INPP5D: variants seen among roughly 807,000 people sequenced by gnomAD.
INPP5D encodes inositol polyphosphate-5-phosphatase D, also known as phosphatidylinositol 3,4,5-trisphosphate 5-phosphatase 1.
Under a neutral mutation model 122.9 loss-of-function variants are expected in INPP5D, and 33 were observed. That is an observed-to-expected ratio of 0.27 (90% confidence interval 0.20 to 0.36). The LOEUF (loss-of-function observed/expected upper bound fraction) is 0.36. INPP5D is among the 10% of genes least tolerant of loss of function. INPP5D has a pLI of 1.00. For missense variants in INPP5D, 1,053 were observed against 1,412.7 expected, an observed-to-expected ratio of 0.75 and a Z score of 4.08; for synonymous variants, 584 against 576.2, an observed-to-expected ratio of 1.01 and a Z score of -0.19.
Position 233,206,221 on chromosome 2 carries a change from T to C in INPP5D, c.3568-485T>C, listed in dbSNP as rs1695498761. Among the ~76,000 whole-genome samples, 1 of 152,268 alleles carries C rather than the reference T, an allele frequency of 6.6e-6. No homozygotes were observed. The highest frequency in any genetic ancestry group is 1.5e-5 in the Non-Finnish European group (1 of 68,032). On this transcript the variant is annotated intron_variant, in intron 26 of 26. Coordinates refer to ENST00000445964, the MANE Select transcript of INPP5D (RefSeq NM_001017915.3). The surrounding 1 kb of genome is among the most constrained non-coding windows in gnomAD (Gnocchi z 4.0). ...TCATAGACTTAGAAGGAGAATTGCA[T>C]TGTAGGCTATTATGTATTATTACCA... is the stretch of plus-strand genomic sequence containing the variant.
chr2:233,120,263 C>G (rs1559302379), intron 2 of INPP5D, among the ~76,000 whole-genome samples: 1 of 152,118 alleles, frequency 6.6e-6, no homozygotes, highest in African/African-American at 2.4e-5. Context: ...GTGGGTGGAT[C>G]ACCTGAGGTC....
At chr2:233,184,571 T>C (rs1694861111) in intron 20 of INPP5D, 50 bp downstream of exon 20, 1 of 1,603,866 alleles carries the variant, frequency 6.2e-7, no homozygotes, top group East Asian at 2.2e-5. Context: ...GGAGCCTTCT[T>C]ATAAACACCT....
intron 2 of INPP5D, among the ~76,000 whole-genome samples, chr2:233,116,525 C>A (rs898264708): frequency 6.6e-6 from 1 of 152,034 alleles, no homozygotes; most frequent in African/African-American, 2.4e-5. Context: ...TGGGCTTAAG[C>A]AATCTGCCCA....
rs1433964080 is a variant in INPP5D at position 233,128,425 on chromosome 2, TTAAATG to T, written c.525-2075_525-2070del. Among the ~76,000 whole-genome samples the T allele has an allele frequency of 6.6e-6, 1 of 152,166 alleles. No individual in the cohort carries two copies. The highest frequency in any genetic ancestry group is 2.4e-5 in the African/African-American group (1 of 41,438). ...AGACCCAGAATAAATATAGAAGAAC[TTAAATG>T]TAAATGTTCTCTTCTCAATCTAACA... On this transcript the variant is annotated intron_variant, in intron 4 of 26. Coordinates refer to ENST00000445964, the MANE Select transcript of INPP5D (RefSeq NM_001017915.3). The surrounding 1 kb of genome is among the most constrained non-coding windows in gnomAD (Gnocchi z 4.5).
At chr2:233,142,929 A>G (rs1693661027) in intron 6 of INPP5D, among the ~76,000 whole-genome samples, 1 of 151,990 alleles carries the variant, frequency 6.6e-6, no homozygotes, top group Non-Finnish European at 1.5e-5. Flanking sequence ...GCCTCTACCC[A>G]TGAGATGCCA....
intron 9 of INPP5D, among the ~76,000 whole-genome samples, chr2:233,148,481 C>T (rs1364026172): frequency 2.6e-5 from 4 of 152,156 alleles, no homozygotes; most frequent in Non-Finnish European, 2.9e-5. Context: ...GGAAGAGCAT[C>T]CCAGCTAGCA....
intron 1 of INPP5D, among the ~76,000 whole-genome samples, chr2:233,062,841 T>C (rs550624005): frequency 6.6e-5 from 10 of 152,330 alleles, no homozygotes; most frequent in African/African-American, 2.4e-4. Flanking sequence ...GCAGGCTTCA[T>C]ATGGCTGCCA....
At chr2:233,180,171 A>T (rs1694746404) in intron 18 of INPP5D, among the ~76,000 whole-genome samples, 1 of 152,028 alleles carries the variant, frequency 6.6e-6, no homozygotes, top group Non-Finnish European at 1.5e-5. Flanking sequence ...CTAAGGTCCC[A>T]TTGGCCAAAG....
chr2:233,080,498 G>T (rs1691652537), intron 2 of INPP5D, among the ~76,000 whole-genome samples: 1 of 151,894 alleles, frequency 6.6e-6, no homozygotes, highest in Admixed American at 6.6e-5. Context: ...AGTTCTCAGG[G>T]ACTAGAGTAA....
At position 233,130,588 on chromosome 2, in the gene INPP5D, G is replaced by T. The variant is rs749366486; in HGVS notation, c.605G>T (p.Gly202Val). The change falls in exon 5 of 27, where the codon GGG becomes GTG. Residue 202 changes from glycine to valine, a missense_variant. By Grantham distance (109) the Gly-to-Val change is moderately radical (BLOSUM62 -3). This residue lies in a region of INPP5D where 196 missense variants were observed against 175.6 expected (regional missense o/e 1.12). Transcript: ENST00000445964. ...LAQDSEFVKT[G>V]SSSLPHLKKL... ...CAGGACTCTGAATTTGTGAAGACAG[G>T]GTCCAGCAGTCTTCCTCACCTGAAG... The T allele has an allele frequency of 5.6e-6, 9 of 1,613,810 alleles. No individual in the cohort carries two copies. Among genetic ancestry groups the T allele is most frequent in the South Asian group, 5.5e-5 (5 of 91,078 alleles).
chr2:233,187,894 A>G (rs532481981), intron 21 of INPP5D, among the ~76,000 whole-genome samples: 4 of 152,036 alleles, frequency 2.6e-5, no homozygotes, highest in African/African-American at 9.6e-5. Flanking sequence ...TGGAAAAGAG[A>G]GCAGCACCCC....
rs555174653 is a variant in INPP5D at position 233,113,721 on chromosome 2, T to C, written c.199-8386T>C. ...GTCGACCGTGCCCTGTTCGATGGGC[T>C]AATCTGGTTCCAGCTCCATCCTTGC... On this transcript the variant is annotated intron_variant, in intron 2 of 26. Coordinates refer to ENST00000445964, the MANE Select transcript of INPP5D (RefSeq NM_001017915.3). 5.9e-5 allele frequency among the ~76,000 whole-genome samples: 9 copies of C among 152,330 alleles called. No homozygotes were observed. In the South Asian group the frequency reaches 8.3e-4, roughly 14 times the overall value.
At position 233,130,643 on chromosome 2, in the gene INPP5D, C is replaced by G. The variant is rs754551586; in HGVS notation, c.660C>G (p.Leu220=). 6.2e-7 allele frequency: 1 copy of G among 1,613,816 alleles called. No individual in the cohort carries two copies. Among genetic ancestry groups the G allele is most frequent in the Non-Finnish European group, 8.5e-7 (1 of 1,179,878 alleles). Residue 220 remains leucine, a synonymous_variant, in exon 5 of 27, where the codon CTC becomes CTG. Transcript: ENST00000445964. ...TGACCACACTGCTCTGCAAGGAGCT[C>G]TATGGGTAATGGCTGGCCCACGGGG... ...KKLTTLLCKE[L]YGEVIRTLPS...
intron 6 of INPP5D, among the ~76,000 whole-genome samples, chr2:233,142,924 T>A (rs1435487544): frequency 6.6e-6 from 1 of 152,020 alleles, no homozygotes; most frequent in Non-Finnish European, 1.5e-5. Context: ...TCCTGGCCTC[T>A]ACCCATGAGA....
intron 13 of INPP5D, among the ~76,000 whole-genome samples, chr2:233,165,648 G>A (rs576392796): frequency 1.3e-5 from 2 of 151,684 alleles, no homozygotes; most frequent in African/African-American, 2.4e-5. Context: ...GTGTGTGAGA[G>A]TCCATGCATG....
intron 2 of INPP5D, among the ~76,000 whole-genome samples, chr2:233,110,841 C>T (rs770854115): frequency 2.6e-5 from 4 of 151,946 alleles, no homozygotes; most frequent in Non-Finnish European, 5.9e-5. Context: ...AGGAGAATTG[C>T]TTGAACTCGG....
chr2:233,126,245 G>A (rs1240489018), intron 4 of INPP5D, among the ~76,000 whole-genome samples: 2 of 152,246 alleles, frequency 1.3e-5, no homozygotes, highest in South Asian at 2.1e-4. Flanking sequence ...TAATCTCCAT[G>A]CCTTAGTAAA....
At chr2:233,165,386 TTG>T (rs1315115441) in intron 13 of INPP5D, among the ~76,000 whole-genome samples, 1 of 151,472 alleles carries the variant, frequency 6.6e-6, no homozygotes, top group East Asian at 1.9e-4. Context: ...GCATGTGTGT[TTG>T]TGTGTGTTTA....
intron 2 of INPP5D, among the ~76,000 whole-genome samples, chr2:233,121,509 C>CTTTTCTTTTA: frequency 6.8e-6 from 1 of 147,352 alleles, no homozygotes; most frequent in African/African-American, 2.5e-5. Flanking sequence ...TATAAAAATA[C>CTTTTCTTTTA]TTTTATTTTA....
Sources: gnomAD v4.1 joint callset for allele counts (sites outside exome capture counted in the v4.1 genomes callset) on GRCh38, gnomAD v4.1.1 for gene constraint, gnomAD v4.1.1 regional missense constraint, Gnocchi (gnomAD v3.1) non-coding constraint, MANE v1.5 for transcripts, NCBI Gene and HGNC (gene_info 2026-07-23, HGNC 2026-07-21) for gene names.